SARDH: variants seen among roughly 807,000 people sequenced by gnomAD.
The protein encoded by SARDH is sarcosine dehydrogenase.
In SARDH, 95 loss-of-function variants were observed where a neutral mutation model predicts 109.1. That is an observed-to-expected ratio of 0.87 (90% CI 0.74 to 1.03). The LOEUF is 1.03. Ranked by LOEUF, SARDH falls within the 50% of genes least tolerant of loss-of-function variation. SARDH has a pLI of 0.00. For synonymous variants in SARDH, 572 were observed against 534.8 expected (o/e 1.07, Z -0.96); for missense variants, 1,267 against 1,287.8 (o/e 0.98, Z 0.25).
Position 133,666,203 on chromosome 9 carries a change from AAG to A in SARDH, c.2631+530_2631+531del, listed in dbSNP as rs562000021. Among the ~76,000 whole-genome samples, 23 of 151,636 alleles carry A rather than the reference AAG, an allele frequency of 1.5e-4. No individual in the cohort carries two copies. The East Asian group carries it at 4.1e-3, about 27-fold the overall frequency. ...GGGTCAGGGGTGTCGGGGGTGAGGA[AAG>A]AGAGGATAGGAACATGGGTCTCTGA... On this transcript the variant is annotated intron_variant, in intron 20 of 20. Transcript: ENST00000439388. The surrounding 1 kb of genome is among the most constrained non-coding windows in gnomAD (Gnocchi z 5.2).
downstream of SARDH, among the ~76,000 whole-genome samples, chr9:133,659,757 G>A (rs1029075419): frequency 1.2e-4 from 19 of 152,100 alleles, no homozygotes; most frequent in African/African-American, 4.3e-4. Flanking sequence ...AAGTCACGGC[G>A]CTAGCGCTGT....
chr9:133,706,740 AG>A (rs1588428511), intron 11 of SARDH, among the ~76,000 whole-genome samples: 1 of 152,198 alleles, frequency 6.6e-6, no homozygotes, highest in East Asian at 1.9e-4. Context: ...GGCCCTACCC[AG>A]GGGCCACCCC....
At chr9:133,738,660 C>G (rs1468273527), upstream of SARDH, among the ~76,000 whole-genome samples, 1 of 152,236 alleles carries the variant, frequency 6.6e-6, no homozygotes, top group East Asian at 1.9e-4. Context: ...GCTCCCCGCG[C>G]CCAGAAGGAG....
At chr9:133,722,107 C>G (rs1832344996) in intron 6 of SARDH, among the ~76,000 whole-genome samples, 1 of 143,616 alleles carries the variant, frequency 7.0e-6, no homozygotes, top group African/African-American at 2.6e-5. Context: ...CAGAGTCTCA[C>G]TCTGTCTCAA....
chr9:133,662,234 T>A (rs1322549482), downstream of SARDH, among the ~76,000 whole-genome samples: 1 of 152,046 alleles, frequency 6.6e-6, no homozygotes, highest in Non-Finnish European at 1.5e-5. The surrounding 1 kb of genome is among the most constrained non-coding windows in gnomAD (Gnocchi z 5.1). Flanking sequence ...TTGCGTGCAT[T>A]CCCCAGCTGC....
chr9:133,665,162 G>C (rs1830019106), intron 20 of SARDH, among the ~76,000 whole-genome samples: 1 of 152,198 alleles, frequency 6.6e-6, no homozygotes, highest in South Asian at 2.1e-4. Context: ...CGGCCGCTCT[G>C]GGTGCATCGA....
intron 6 of SARDH, among the ~76,000 whole-genome samples, chr9:133,726,779 C>A (rs150674800): frequency 6.6e-6 from 1 of 152,180 alleles, no homozygotes; most frequent in Non-Finnish European, 1.5e-5. Context: ...TCCTGCCCTC[C>A]GTGTTCTCTT....
chr9:133,732,698 G>A, intron 2 of SARDH, 97 bp from the exon 3 acceptor site: 1 of 1,374,640 alleles, frequency 7.3e-7, no homozygotes, highest in Non-Finnish European at 9.8e-7. Context: ...TCAACCATGG[G>A]TGTCTTTCTC....
rs1228197981 is a variant in SARDH at position 133,718,526 on chromosome 9, A to G, written c.1020+412T>C. ...ATGTGTGGACTAAATGCATATACAC[A>G]TAGAACAGGGCTGCAGGGCTGCCCT... On this transcript the variant is annotated intron_variant, in intron 7 of 20. Coordinates refer to ENST00000439388, the MANE Select transcript of SARDH (RefSeq NM_001134707.2). This position sits in a 1 kb window ranked among gnomAD's most constrained non-coding sequence, Gnocchi z 4.2. 4.6e-6 allele frequency: 3 copies of G among 652,292 alleles called. No individual in the cohort carries two copies. The Admixed American group carries it at 7.1e-5, about 15-fold the overall frequency. 40.4% of individuals were successfully genotyped at this position (652,292 alleles called of 1,614,324 possible).
In SARDH at chr9:133,718,982, AG is replaced by A; in HGVS notation, c.975del (p.Leu326CysfsTer68). ...ASVYLRLQGD[A>X]LSVGGYEANP... ...TTGGCCTCATAGCCACCCACAGACA[AG>A]GCATCCCCTTGGAGGCGGAGGTAGA... On this transcript the variant is annotated frameshift_variant, in exon 7 of 21. Coordinates refer to ENST00000439388, the MANE Select transcript of SARDH (RefSeq NM_001134707.2). LOFTEE classifies it high-confidence loss of function. The surrounding 1 kb of genome is among the most constrained non-coding windows in gnomAD (Gnocchi z 4.2). 6.2e-7 allele frequency: 1 copy of A among 1,614,160 alleles called. No homozygotes were observed. Among genetic ancestry groups the A allele is most frequent in the Non-Finnish European group, 8.5e-7 (1 of 1,180,010 alleles).
At chr9:133,726,873 G>A (rs1832511468) in intron 6 of SARDH, among the ~76,000 whole-genome samples, 1 of 152,208 alleles carries the variant, frequency 6.6e-6, no homozygotes, top group African/African-American at 2.4e-5. Context: ...ATGAGCACCT[G>A]CTGTATGCCG....
At chr9:133,662,730 G>T (rs894940699), downstream of SARDH, among the ~76,000 whole-genome samples, 1 of 152,202 alleles carries the variant, frequency 6.6e-6, no homozygotes, top group African/African-American at 2.4e-5. The surrounding 1 kb of genome is among the most constrained non-coding windows in gnomAD (Gnocchi z 5.1). Flanking sequence ...CTGTGTGTGT[G>T]GCTCTGTGGG....
chr9:133,690,200 G>T (rs79097333), intron 16 of SARDH, among the ~76,000 whole-genome samples, 180 bp downstream of exon 16: 1 of 152,268 alleles, frequency 6.6e-6, no homozygotes, highest in South Asian at 2.1e-4. Context: ...TCGTGTTACC[G>T]GCTTATCTGC....
intron 16 of SARDH, among the ~76,000 whole-genome samples, chr9:133,685,714 G>C (rs1047352689): frequency 2.6e-5 from 4 of 152,220 alleles, no homozygotes; most frequent in African/African-American, 9.6e-5. Flanking sequence ...AGGGGCCTCA[G>C]CTGCTGCTTT....
chr9:133,695,271 C>A (rs970561947), intron 14 of SARDH, among the ~76,000 whole-genome samples: 1 of 152,040 alleles, frequency 6.6e-6, no homozygotes, highest in African/African-American at 2.4e-5. Context: ...GGCGAAACCC[C>A]GTCTCTACTA....
At chr9:133,675,628 A>G (rs2131344648) in intron 17 of SARDH, among the ~76,000 whole-genome samples, 1 of 152,386 alleles carries the variant, frequency 6.6e-6, no homozygotes, top group Admixed American at 6.5e-5. Context: ...ACAGGGTGGC[A>G]GTTCTTTAAA....
rs893104068 is a variant in SARDH at position 133,666,413 on chromosome 9, G to C, written c.2631+322C>G. ...GTCGGATTCTTCCAGAAAGAAAACAGAGAGCAGCTTTGGCTCTGCCCAGGC... is the reference window on the plus strand; with the variant it reads ...GTCGGATTCTTCCAGAAAGAAAACACAGAGCAGCTTTGGCTCTGCCCAGGC... On this transcript the variant is annotated intron_variant, in intron 20 of 20. Transcript: ENST00000439388. The surrounding 1 kb of genome is among the most constrained non-coding windows in gnomAD (Gnocchi z 5.2). Among the ~76,000 whole-genome samples, 1 of 152,188 alleles carries C rather than the reference G, an allele frequency of 6.6e-6. No homozygotes were observed. The highest frequency in any genetic ancestry group is 1.5e-5 in the Non-Finnish European group (1 of 68,028).
In SARDH at chr9:133,729,794, C is replaced by T. The variant is rs1344474947; in HGVS notation, c.886G>A (p.Val296Ile). ...VPLVAMHHAY[V>I]VTERIEGIQN... ...ATCCCCTCGATGCGCTCGGTGACGA[C>T]ATAGGCATGGTGCATGGCCACCAGC... is the stretch of plus-strand genomic sequence containing the variant. Residue 296 changes from valine (V) to isoleucine (I), a missense_variant, in exon 6 of 21, where the codon GTC becomes ATC. Coordinates refer to ENST00000439388, the MANE Select transcript of SARDH (RefSeq NM_001134707.2). 1.9e-6 allele frequency: 3 copies of T among 1,613,058 alleles called. No individual in the cohort carries two copies. The highest frequency in any genetic ancestry group is 3.3e-5 in the Admixed American group (2 of 60,024).
chr9:133,692,112 G>C lies in SARDH; in HGVS notation c.1922-1585C>G, dbSNP rs1831119949. On this transcript the variant is annotated intron_variant, in intron 15 of 20. Coordinates refer to ENST00000439388, the MANE Select transcript of SARDH (RefSeq NM_001134707.2). This position sits in a 1 kb window ranked among gnomAD's most constrained non-coding sequence, Gnocchi z 5.0. ...AGGGAAACTGAGGCTCAGGGAGGCT[G>C]CTCCCCAGCCCTCCCAGCACCCCCA... Among the ~76,000 whole-genome samples the C allele has an allele frequency of 6.6e-6, 1 of 152,156 alleles. No homozygotes were observed. The highest frequency in any genetic ancestry group is 6.5e-5 in the Admixed American group (1 of 15,284).
Sources: gnomAD v4.1 joint callset for allele counts (sites outside exome capture counted in the v4.1 genomes callset) on GRCh38, gnomAD v4.1.1 for gene constraint, Gnocchi (gnomAD v3.1) non-coding constraint, MANE v1.5 for transcripts, NCBI Gene and HGNC (gene_info 2026-07-23, HGNC 2026-07-21) for gene names.